Variants in ZNF469 observed in about 807,000 individuals in gnomAD.
The protein encoded by ZNF469 is zinc finger protein 469.
ZNF469 carries 1 observed loss-of-function variant against 1.0 expected under a neutral mutation model. The observed-to-expected ratio is 1.00, with a 90% CI of 0.35 to 4.73. The LOEUF (loss-of-function observed/expected upper bound fraction) is 4.73. Ranked by LOEUF, ZNF469 falls within the 30% of genes most tolerant of loss-of-function variation. The pLI, the probability that ZNF469 is intolerant of heterozygous loss-of-function variation, is 0.16. For synonymous variants in ZNF469, 2,703 were observed against 2,363.4 expected (o/e 1.14, Z -4.17); for missense variants, 6,100 against 5,356.3 (o/e 1.14, Z -4.33).
chr16:88,328,693 G>A, the ZNF469 span, among the ~76,000 whole-genome samples: 7 of 152,214 alleles, frequency 4.6e-5, no homozygotes, highest in Admixed American at 3.3e-4. Context: ...AAGCGTTCCA[G>A]CCGGGGGGCT....
In ZNF469 at chr16:88,429,884, C is replaced by A; in HGVS notation, c.2414C>A (p.Ala805Asp). The A allele has an allele frequency of 1.3e-6, 2 of 1,550,214 alleles. No individual in the cohort carries two copies. The highest frequency in any genetic ancestry group is 8.7e-7 in the Non-Finnish European group (1 of 1,146,904). ...KTFLLAGDAQAEGKDDPLRTG... is the reference protein window; with the variant it reads ...KTFLLAGDAQDEGKDDPLRTG... ...TTCCTGTTAGCTGGGGACGCCCAGG[C>A]CGAGGGCAAAGACGACCCCCTGAGG... is the stretch of plus-strand genomic sequence containing the variant. The change falls in exon 3 of 3, where the codon GCC becomes GAC. Residue 805 changes from alanine (A) to aspartate (D), a missense_variant. Transcript: ENST00000565624.
chr16:88,385,852 G>A (rs4782512), intron 1 of ZNF469, among the ~76,000 whole-genome samples: 34,923 of 152,038 alleles, frequency 0.23, 4,289 homozygotes, highest in African/African-American at 0.29. Flanking sequence ...TCAGTGGGAC[G>A]GGCTGGTGTG....
chr16:88,398,014 G>A (rs1904740314), intron 1 of ZNF469, among the ~76,000 whole-genome samples: 1 of 152,228 alleles, frequency 6.6e-6, no homozygotes, highest in Non-Finnish European at 1.5e-5. Flanking sequence ...CTTCAGCCCG[G>A]CAGGGCCAGG....
rs1041924878 is a variant in ZNF469 at position 88,438,654 on chromosome 16, C to G, written c.11184C>G (p.Pro3728=). The G allele has an allele frequency of 3.3e-5, 51 of 1,549,960 alleles. No individual in the cohort carries two copies. Among genetic ancestry groups the G allele is most frequent in the Admixed American group, 5.9e-5 (3 of 50,986 alleles). ...GMKPATPKAK[P]GPSSQGSGSP... Reference sequence around the variant, plus strand: ...AGCCCGCCACCCCCAAAGCCAAACCCGGCCCCAGCTCCCAGGGCAGTGGAA... The same window carrying G: ...AGCCCGCCACCCCCAAAGCCAAACCGGGCCCCAGCTCCCAGGGCAGTGGAA... Residue 3728 remains proline (P), a synonymous_variant, in exon 3 of 3, where the codon CCC becomes CCG. Coordinates refer to ENST00000565624, the MANE Select transcript of ZNF469 (RefSeq NM_001367624.2).
chr16:88,187,248 C>T, the ZNF469 span, among the ~76,000 whole-genome samples: 1 of 152,198 alleles, frequency 6.6e-6, no homozygotes, highest in African/African-American at 2.4e-5. Context: ...AAAGCCGCCT[C>T]CAAGCTAGGC....
chr16:88,128,921 G>T, the ZNF469 span, among the ~76,000 whole-genome samples: 1 of 152,238 alleles, frequency 6.6e-6, no homozygotes, highest in Admixed American at 6.5e-5. Context: ...AAAGCTCCTG[G>T]CTCACAGGAA....
the ZNF469 span, among the ~76,000 whole-genome samples, chr16:88,275,246 C>T: frequency 6.6e-6 from 1 of 152,204 alleles, no homozygotes; most frequent in Non-Finnish European, 1.5e-5. Context: ...GAGGGGCCGG[C>T]GAGCACCTGG....
Position 88,418,641 on chromosome 16 carries a change from A to G in ZNF469, c.-191-6166A>G, listed in dbSNP as rs1041446305. The stretch of plus-strand genomic sequence containing the variant: ...TCCTGTTAAAGGATCTCGAATAGGC[A>G]CCCCGATAAGACAGGACGAACACCA... On this transcript the variant is annotated intron_variant, in intron 1 of 2. Coordinates refer to ENST00000565624, the MANE Select transcript of ZNF469 (RefSeq NM_001367624.2). Among the ~76,000 whole-genome samples the G allele has an allele frequency of 7.4e-5, 11 of 149,120 alleles. No homozygotes were observed. The Admixed American group carries it at 7.4e-4, about 10-fold the overall frequency.
the ZNF469 span, among the ~76,000 whole-genome samples, chr16:88,293,462 G>C: frequency 6.6e-6 from 1 of 152,108 alleles, no homozygotes; most frequent in Non-Finnish European, 1.5e-5. Flanking sequence ...ATAGATAGGT[G>C]GATGGATGAA....
chr16:88,229,696 A>G, the ZNF469 span, among the ~76,000 whole-genome samples: 3 of 151,806 alleles, frequency 2.0e-5, no homozygotes, highest in African/African-American at 4.8e-5. Flanking sequence ...ATACGTGTGG[A>G]TGTCACACGT....
At chr16:88,367,666 G>C in the ZNF469 span, among the ~76,000 whole-genome samples, 3 of 152,208 alleles carry the variant, frequency 2.0e-5, no homozygotes, top group Admixed American at 2.0e-4. Context: ...CCAAGCCCAA[G>C]CATGCAGTGA....
At chr16:88,284,174 C>A in the ZNF469 span, among the ~76,000 whole-genome samples, 2 of 151,264 alleles carry the variant, frequency 1.3e-5, no homozygotes, top group Admixed American at 1.3e-4. Context: ...TGGTAGACCC[C>A]CAGTGACCGA....
the ZNF469 span, among the ~76,000 whole-genome samples, chr16:88,290,759 C>G: frequency 6.6e-6 from 1 of 152,210 alleles, no homozygotes; most frequent in Admixed American, 6.5e-5. Context: ...TGGAGGTTTT[C>G]AATACATGTC....
At chr16:88,331,830 C>T in the ZNF469 span, among the ~76,000 whole-genome samples, 1 of 151,944 alleles carries the variant, frequency 6.6e-6, no homozygotes, top group African/African-American at 2.4e-5. Flanking sequence ...ACTATCATCA[C>T]CATCATCACC....
rs773878123 is a variant in ZNF469, at chr16:88,429,959, C to T, written c.2489C>T (p.Ser830Leu). Residue 830 changes from serine to leucine, a missense_variant, in exon 3 of 3, where the codon TCG becomes TTG. By Grantham distance (145) the Ser-to-Leu change is moderately radical (BLOSUM62 -2). Coordinates refer to ENST00000565624, the MANE Select transcript of ZNF469 (RefSeq NM_001367624.2). ...GCCACCCCCTTCCCGCTCCCTGCCT[C>T]GGACCTGGACATGGAGGATGACGCC... ...LAATPFPLPA[S>L]DLDMEDDAKL... is the part of the protein sequence containing the mutation. 30 of 1,550,332 alleles carry T rather than the reference C, an allele frequency of 1.9e-5. No homozygotes were observed. Among genetic ancestry groups the T allele is most frequent in the Non-Finnish European group, 2.6e-5 (30 of 1,146,960 alleles).
rs79032829 is a variant in ZNF469, at chr16:88,397,627, G to A, written c.-192+14373G>A. On this transcript the variant is annotated intron_variant, in intron 1 of 2. Transcript: ENST00000565624. ...GTGATGGATGGATGGATGGGTGGAT[G>A]GATGGATGGATGGATGGATATAAAT... Among the ~76,000 whole-genome samples, 516 of 140,166 alleles carry A rather than the reference G, an allele frequency of 3.7e-3. 4 individuals carry two copies. Among genetic ancestry groups the A allele is most frequent in the African/African-American group, 0.014 (493 of 36,146 alleles). The allele number at this position is 140,166 out of a possible 152,430, so 92.0% of individuals were successfully genotyped here. A position where few individuals can be genotyped will look rare whatever the true frequency, so the allele number is the denominator to read the frequency against.
At chr16:88,107,030 G>A in the ZNF469 span, among the ~76,000 whole-genome samples, 10 of 152,258 alleles carry the variant, frequency 6.6e-5, no homozygotes, top group Non-Finnish European at 1.5e-5. Flanking sequence ...AGGGTCACGA[G>A]TTCTGCCTTT....
chr16:88,221,063 G>T, the ZNF469 span, among the ~76,000 whole-genome samples: 23 of 152,284 alleles, frequency 1.5e-4, no homozygotes, highest in African/African-American at 5.5e-4. Context: ...CAGGGACCCA[G>T]TTCAAGCCAG....
At chr16:88,293,440 C>T in the ZNF469 span, among the ~76,000 whole-genome samples, 1 of 151,282 alleles carries the variant, frequency 6.6e-6, no homozygotes, top group South Asian at 2.1e-4. Flanking sequence ...TAAATCGGTA[C>T]GTGGTAAATG....
Sources: gnomAD v4.1 joint callset for allele counts (sites outside exome capture counted in the v4.1 genomes callset) on GRCh38, gnomAD v4.1.1 for gene constraint, MANE v1.5 for transcripts, NCBI Gene and HGNC (gene_info 2026-07-23, HGNC 2026-07-21) for gene names.